LRIG1: variants seen among roughly 807,000 people sequenced by gnomAD.
LRIG1 encodes leucine-rich repeats and immunoglobulin-like domains protein 1.
LRIG1 carries 48 observed loss-of-function variants against 99.2 expected under a neutral mutation model. The ratio of observed to expected loss-of-function variants is 0.48; its 90% CI spans 0.38 to 0.62. LRIG1 has a LOEUF of 0.62. Ranked by LOEUF, LRIG1 falls within the 20% of genes least tolerant of loss-of-function variation. The probability of loss-of-function intolerance (pLI) is 0.00; values close to 1 mark genes in which losing one functional copy is unlikely to be tolerated. For missense variants in LRIG1, 1,646 were observed against 1,434.4 expected (o/e 1.15, Z -2.38); for synonymous variants, 772 against 596.1 (o/e 1.29, Z -4.30).
At chr3:66,426,277 C>G (rs888690478) in intron 3 of LRIG1, among the ~76,000 whole-genome samples, 3 of 152,142 alleles carry the variant, frequency 2.0e-5, no homozygotes, top group African/African-American at 7.2e-5. Context: ...GTAAAAGCAG[C>G]CAGACAATAT....
intron 1 of LRIG1, among the ~76,000 whole-genome samples, chr3:66,488,867 C>T (rs537187019): frequency 2.6e-5 from 4 of 152,194 alleles, no homozygotes; most frequent in Admixed American, 2.0e-4. Context: ...TCACTTATGG[C>T]AAGTATTCAC....
intron 3 of LRIG1, among the ~76,000 whole-genome samples, chr3:66,430,393 T>C (rs60081580): frequency 0.05 from 7,578 of 152,252 alleles, 547 homozygotes; most frequent in African/African-American, 0.16. Flanking sequence ...CCACATTCAA[T>C]TGAACCCCAA....
chr3:66,444,040 G>C (rs574072492), intron 3 of LRIG1, among the ~76,000 whole-genome samples: 5 of 152,180 alleles, frequency 3.3e-5, no homozygotes, highest in Non-Finnish European at 7.3e-5. Context: ...TCAAGTCTTA[G>C]CTGAGGATAA....
At chr3:66,385,045 A>ATGAT (rs1383308792) in intron 13 of LRIG1, among the ~76,000 whole-genome samples, 2 of 152,190 alleles carry the variant, frequency 1.3e-5, no homozygotes, top group African/African-American at 4.8e-5. Context: ...CACCATTCTG[A>ATGAT]TGATTCTCAA....
At chr3:66,486,076 A>C (rs1700967433) in intron 1 of LRIG1, among the ~76,000 whole-genome samples, 1 of 152,220 alleles carries the variant, frequency 6.6e-6, no homozygotes, top group Non-Finnish European at 1.5e-5. Context: ...TCATGTATAC[A>C]ACAGAGACAA....
intron 3 of LRIG1, among the ~76,000 whole-genome samples, chr3:66,435,781 CT>C (rs35275985): frequency 0.12 from 18,301 of 150,292 alleles, 1,648 homozygotes; most frequent in African/African-American, 0.25. Context: ...CCCCATATTA[CT>C]TTTTTTTTTT....
chr3:66,403,517 T>C (rs991326761), intron 9 of LRIG1, among the ~76,000 whole-genome samples: 2 of 152,032 alleles, frequency 1.3e-5, no homozygotes, highest in African/African-American at 4.8e-5. Flanking sequence ...AACAACATTA[T>C]GTGAGTGAGG....
chr3:66,458,836 G>T (rs1278476557), intron 2 of LRIG1, among the ~76,000 whole-genome samples: 2 of 152,074 alleles, frequency 1.3e-5, no homozygotes, highest in Non-Finnish European at 2.9e-5. Flanking sequence ...GGCCAACATG[G>T]TGAAATCTCA....
chr3:66,439,181 A>C (rs1197217412), intron 3 of LRIG1, among the ~76,000 whole-genome samples: 1 of 152,200 alleles, frequency 6.6e-6, no homozygotes, highest in Non-Finnish European at 1.5e-5. Context: ...CCCCTGGAAG[A>C]ACTGCGCCAA....
chr3:66,402,241 C>T (rs1702085914), intron 9 of LRIG1, among the ~76,000 whole-genome samples: 1 of 152,194 alleles, frequency 6.6e-6, no homozygotes, highest in African/African-American at 2.4e-5. Context: ...TTCCCTCCCG[C>T]GTACTGACTC....
rs555908540 is a variant in LRIG1, at chr3:66,449,784, A to G, written c.365+1775T>C. On this transcript the variant is annotated intron_variant, in intron 3 of 18. Coordinates refer to ENST00000273261, the MANE Select transcript of LRIG1 (RefSeq NM_015541.3). ...CAGTTTCCTCTCTGACAACACAGAG[A>G]TATTCTCTGTGGCCCTAGCTTCCTC... Among the ~76,000 whole-genome samples, 118 of 152,278 alleles carry G rather than the reference A, an allele frequency of 7.7e-4. 1 individual carries two copies. Among genetic ancestry groups the G allele is most frequent in the African/African-American group, 2.5e-3 (104 of 41,560 alleles).
chr3:66,408,677 C>T (rs1340428252), intron 7 of LRIG1, among the ~76,000 whole-genome samples: 1 of 152,156 alleles, frequency 6.6e-6, no homozygotes, highest in Non-Finnish European at 1.5e-5. Context: ...GCTTCCCACA[C>T]CTCCCGGCCC....
At chr3:66,470,850 G>C (rs530089100) in intron 1 of LRIG1, among the ~76,000 whole-genome samples, 30 of 152,132 alleles carry the variant, frequency 2.0e-4, no homozygotes, top group African/African-American at 7.2e-4. Context: ...TGGCCAAAAA[G>C]AAACAAAATA....
chr3:66,418,271 T>C (rs1300896982), intron 3 of LRIG1, among the ~76,000 whole-genome samples: 1 of 152,140 alleles, frequency 6.6e-6, no homozygotes, highest in Non-Finnish European at 1.5e-5. Flanking sequence ...TTTTAATTTT[T>C]TTTAGTAGAG....
chr3:66,413,496 T>A (rs984921484), intron 5 of LRIG1, among the ~76,000 whole-genome samples: 2 of 152,186 alleles, frequency 1.3e-5, no homozygotes, highest in African/African-American at 4.8e-5. Flanking sequence ...ACTGGGGGCA[T>A]TTCACAGCAT....
intron 1 of LRIG1, among the ~76,000 whole-genome samples, chr3:66,483,648 C>A (rs1338105961): frequency 1.3e-5 from 2 of 152,212 alleles, no homozygotes; most frequent in African/African-American, 4.8e-5. Flanking sequence ...ATAAACTGAG[C>A]AGAATAACCA....
intron 3 of LRIG1, among the ~76,000 whole-genome samples, chr3:66,429,791 T>G (rs890937056): frequency 2.9e-5 from 4 of 139,850 alleles, no homozygotes; most frequent in Non-Finnish European, 5.9e-5. Flanking sequence ...AGGGTGGGTG[T>G]GTGTGTGTGT....
At chr3:66,433,834 A>G (rs1439360358) in intron 3 of LRIG1, among the ~76,000 whole-genome samples, 2 of 152,206 alleles carry the variant, frequency 1.3e-5, no homozygotes, top group African/African-American at 4.8e-5. Flanking sequence ...CCCCAGAACC[A>G]TCTCAACCCG....
At chr3:66,428,982 T>C (rs1192665006) in intron 3 of LRIG1, among the ~76,000 whole-genome samples, 1 of 152,226 alleles carries the variant, frequency 6.6e-6, no homozygotes, top group Non-Finnish European at 1.5e-5. Context: ...AGGTGGAGAC[T>C]GGATAAAAAA....
Sources: gnomAD v4.1 joint callset for allele counts (sites outside exome capture counted in the v4.1 genomes callset) on GRCh38, gnomAD v4.1.1 for gene constraint, MANE v1.5 for transcripts, NCBI Gene and HGNC (gene_info 2026-07-23, HGNC 2026-07-21) for gene names.